Variants in UBR1 observed in about 807,000 individuals in gnomAD.
UBR1 encodes E3 ubiquitin-protein ligase UBR1.
Under a neutral mutation model 242.1 loss-of-function variants are expected in UBR1, and 102 were observed. The observed-to-expected ratio is 0.42, with a 90% CI of 0.36 to 0.50. The LOEUF (loss-of-function observed/expected upper bound fraction) is 0.50, where lower values mean the gene tolerates loss of function less well. Ranked by LOEUF, UBR1 falls within the 20% of genes least tolerant of loss-of-function variation. The pLI, the probability that UBR1 is intolerant of heterozygous loss-of-function variation, is 0.01. For synonymous variants in UBR1, 675 were observed against 684.8 expected (o/e 0.99, Z 0.22); for missense variants, 1,772 against 2,101.8 (o/e 0.84, Z 3.07).
chr15:42,965,058 A>C (rs901411289), intron 41 of UBR1, among the ~76,000 whole-genome samples: 1 of 152,172 alleles, frequency 6.6e-6, no homozygotes, highest in Non-Finnish European at 1.5e-5. Context: ...AGCACCTATG[A>C]GATAAATACA....
intron 12 of UBR1, among the ~76,000 whole-genome samples, chr15:43,052,709 G>A (rs1235827662): frequency 6.6e-6 from 1 of 150,644 alleles, no homozygotes; most frequent in Non-Finnish European, 1.5e-5. Context: ...AGAGTAAGAT[G>A]TGACTACAGA....
At position 43,043,415 on chromosome 15, in the gene UBR1, C is replaced by T. The variant is rs533524024; in HGVS notation, c.1669-20G>A. On this transcript the variant is annotated intron_variant, in intron 14 of 46. Coordinates refer to ENST00000290650, the MANE Select transcript of UBR1 (RefSeq NM_174916.3). ...TTCTTCCTAAGAGGAAAATAAGATA[C>T]AAAAAGTTGACAAGTTTTCTACTTT... 8 of 1,613,072 alleles carry T rather than the reference C, an allele frequency of 5.0e-6. No individual in the cohort carries two copies. The African/African-American group carries it at 8.0e-5, about 16-fold the overall frequency.
chr15:43,014,937 C>G (rs944890313), intron 29 of UBR1, among the ~76,000 whole-genome samples: 4 of 148,436 alleles, frequency 2.7e-5, no homozygotes, highest in African/African-American at 7.5e-5. Context: ...TGTGGGTCAG[C>G]CCCCGCCCGG....
intron 15 of UBR1, among the ~76,000 whole-genome samples, chr15:43,040,773 C>G (rs1278840040): frequency 1.3e-5 from 2 of 152,168 alleles, no homozygotes; most frequent in Non-Finnish European, 2.9e-5. Flanking sequence ...CATTGAAAAG[C>G]AGGCGAAGGA....
At position 42,962,233 on chromosome 15, in the gene UBR1, G is replaced by A. The variant is rs372380611; in HGVS notation, c.4701-1532C>T. ...ATTTAAACAAGAGAGAATTTAACAG[G>A]AGTTAGTAATAAAAGTGATGGAAGG... On this transcript the variant is annotated intron_variant, in intron 42 of 46. Coordinates refer to ENST00000290650, the MANE Select transcript of UBR1 (RefSeq NM_174916.3). Among the ~76,000 whole-genome samples, 7 of 152,060 alleles carry A rather than the reference G, an allele frequency of 4.6e-5. No homozygotes were observed. In the East Asian group the frequency reaches 1.3e-3, roughly 29 times the overall value.
intron 1 of UBR1, among the ~76,000 whole-genome samples, chr15:43,087,116 T>C (rs1250343187): frequency 6.6e-6 from 1 of 152,072 alleles, no homozygotes; most frequent in Non-Finnish European, 1.5e-5. Context: ...TACAAGCTAA[T>C]AGAATCGGGC....
intron 17 of UBR1, 56 bp downstream of exon 17, chr15:43,037,717 G>GA (rs898393539): frequency 3.3e-6 from 5 of 1,501,878 alleles, no homozygotes; most frequent in South Asian, 1.2e-5. Context: ...TCATATAAGA[G>GA]AAAAAAATTA....
rs376322428 is a variant in UBR1 at position 43,002,740 on chromosome 15, T to A, written c.3510-36A>T. 73 of 1,613,714 alleles carry A rather than the reference T, an allele frequency of 4.5e-5. No homozygotes were observed. The African/African-American group carries it at 8.9e-4, about 20-fold the overall frequency. ...ACAAAGACACAGGCCCATTCAGAACTACACATGCATCTCTACATGTGTATC... is the reference window on the plus strand; with the variant it reads ...ACAAAGACACAGGCCCATTCAGAACAACACATGCATCTCTACATGTGTATC... On this transcript the variant is annotated intron_variant, in intron 31 of 46. Coordinates refer to ENST00000290650, the MANE Select transcript of UBR1 (RefSeq NM_174916.3).
chr15:43,070,362 A>G (rs1357711935), intron 5 of UBR1, among the ~76,000 whole-genome samples: 1 of 151,116 alleles, frequency 6.6e-6, no homozygotes, highest in African/African-American at 2.4e-5. Flanking sequence ...ACTTTTCTTG[A>G]TCAGGACAAG....
intron 45 of UBR1, 40 bp from the exon 46 acceptor site, chr15:42,950,403 G>T: frequency 6.4e-7 from 1 of 1,560,866 alleles, no homozygotes; most frequent in Non-Finnish European, 8.8e-7. Context: ...TTAAGTGTAT[G>T]TGTGCAAATG....
At chr15:43,079,702 A>T (rs747657880) in intron 3 of UBR1, among the ~76,000 whole-genome samples, 5 of 152,236 alleles carry the variant, frequency 3.3e-5, no homozygotes, top group Non-Finnish European at 5.9e-5. Context: ...GAATGGAGTG[A>T]ACCCGGGAGA....
At chr15:43,038,615 G>C (rs1244585163) in intron 15 of UBR1, among the ~76,000 whole-genome samples, 1 of 152,036 alleles carries the variant, frequency 6.6e-6, no homozygotes, top group Non-Finnish European at 1.5e-5. Context: ...AAAGAAACTT[G>C]TGTGAGTTAA....
chr15:43,080,919 C>G (rs539386300), intron 3 of UBR1, among the ~76,000 whole-genome samples: 1 of 152,044 alleles, frequency 6.6e-6, no homozygotes, highest in Non-Finnish European at 1.5e-5. Flanking sequence ...CCACTGCACT[C>G]CAGCATGGGC....
intron 1 of UBR1, among the ~76,000 whole-genome samples, chr15:43,095,560 G>C (rs930686147): frequency 2.7e-5 from 4 of 146,086 alleles, no homozygotes; most frequent in Non-Finnish European, 3.0e-5. Flanking sequence ...AAAAAAAAAG[G>C]CTGCATCAAA....
intron 3 of UBR1, among the ~76,000 whole-genome samples, chr15:43,076,963 G>A (rs368584992): frequency 1.8e-3 from 155 of 86,980 alleles, no homozygotes; most frequent in Non-Finnish European, 2.6e-3. Flanking sequence ...GCCTCTGCCC[G>A]GCCGCCCCTA....
At chr15:43,010,818 CAA>C (rs768275252) in intron 29 of UBR1, among the ~76,000 whole-genome samples, 7 of 56,976 alleles carry the variant, frequency 1.2e-4, no homozygotes, top group African/African-American at 2.9e-4. Context: ...ACTAAAAATA[CAA>C]AAAAAAAAAA....
At chr15:43,050,782 T>G (rs922006272) in intron 12 of UBR1, among the ~76,000 whole-genome samples, 22 of 150,722 alleles carry the variant, frequency 1.5e-4, no homozygotes, top group Non-Finnish European at 4.4e-5. Context: ...AACAGACACT[T>G]TTCAAAAGAA....
In UBR1 at chr15:42,945,044, C is replaced by A; in HGVS notation, c.*285G>T. ...AACTGTTTGACGTGACTTCATCTAC[C>A]AAGTGGATGAAATAAAATGAAATGA... is the stretch of plus-strand genomic sequence containing the variant. On this transcript the variant is annotated 3_prime_UTR_variant, in exon 47 of 47. Transcript: ENST00000290650. 4.9e-6 allele frequency: 2 copies of A among 406,078 alleles called. No homozygotes were observed. Among genetic ancestry groups the A allele is most frequent in the South Asian group, 2.2e-5 (1 of 44,834 alleles). 25.2% of individuals were successfully genotyped at this position (406,078 alleles called of 1,614,324 possible). A position where few individuals can be genotyped will look rare whatever the true frequency, so the allele number is the denominator to read the frequency against.
intron 15 of UBR1, among the ~76,000 whole-genome samples, chr15:43,042,498 G>T (rs548040842): frequency 6.6e-6 from 1 of 152,290 alleles, no homozygotes; most frequent in East Asian, 1.9e-4. Context: ...ACACAGAGTG[G>T]TAGTTGCTAG....
Sources: gnomAD v4.1 joint callset for allele counts (sites outside exome capture counted in the v4.1 genomes callset) on GRCh38, gnomAD v4.1.1 for gene constraint, MANE v1.5 for transcripts, NCBI Gene and HGNC (gene_info 2026-07-23, HGNC 2026-07-21) for gene names.